Variants in TAF4 observed in about 807,000 individuals in gnomAD.
TAF4 encodes transcription initiation factor TFIID subunit 4.
Under a neutral mutation model 90.3 loss-of-function variants are expected in TAF4, and 9 were observed. The observed-to-expected ratio is 0.10, with a 90% confidence interval of 0.06 to 0.17. The LOEUF (loss-of-function observed/expected upper bound fraction) is 0.17, where lower values mean the gene tolerates loss of function less well. Among genes scored for constraint, TAF4 ranks in the 10% least tolerant of loss-of-function variants. The pLI is 1.00. For missense variants in TAF4, 1,351 were observed against 1,370.7 expected (o/e 0.99, Z 0.23); for synonymous variants, 818 against 638.9 (o/e 1.28, Z -4.23).
At chr20:62,045,086 G>T (rs1397711029) in intron 1 of TAF4, among the ~76,000 whole-genome samples, 1 of 152,220 alleles carries the variant, frequency 6.6e-6, no homozygotes, top group African/African-American at 2.4e-5. Context: ...TCACAACGCC[G>T]ACATGAAAAC....
chr20:62,063,223 A>G (rs1323067512), intron 1 of TAF4, among the ~76,000 whole-genome samples: 2 of 152,102 alleles, frequency 1.3e-5, no homozygotes, highest in Non-Finnish European at 2.9e-5. Flanking sequence ...GAGTCTGACC[A>G]CCAGCCCCGA....
At chr20:62,032,933 G>A (rs1032798803) in intron 1 of TAF4, among the ~76,000 whole-genome samples, 2 of 152,206 alleles carry the variant, frequency 1.3e-5, no homozygotes, top group African/African-American at 2.4e-5. Flanking sequence ...CTAAGAACCT[G>A]CCACCAGCAG....
intron 3 of TAF4, among the ~76,000 whole-genome samples, chr20:62,011,830 A>C (rs550989489): frequency 6.6e-6 from 1 of 152,192 alleles, no homozygotes; most frequent in African/African-American, 2.4e-5. Flanking sequence ...AGCAGCGACC[A>C]ACACCATAGA....
intron 1 of TAF4, among the ~76,000 whole-genome samples, chr20:62,046,424 G>T (rs1200302518): frequency 6.6e-6 from 1 of 152,206 alleles, no homozygotes; most frequent in African/African-American, 2.4e-5. Flanking sequence ...GCTTTTTCTA[G>T]AATTTCATAC....
intron 1 of TAF4, among the ~76,000 whole-genome samples, chr20:62,055,183 C>G (rs936246718): frequency 2.7e-5 from 4 of 147,380 alleles, no homozygotes; most frequent in Non-Finnish European, 6.0e-5. Context: ...ACGCTGCCTG[C>G]GGGCAGTCCT....
chr20:62,028,072 G>C (rs772737902), intron 1 of TAF4, among the ~76,000 whole-genome samples: 1 of 152,190 alleles, frequency 6.6e-6, no homozygotes, highest in Non-Finnish European at 1.5e-5. Context: ...GGTCCCACAC[G>C]TGCTCTGCTC....
rs376851390 is a variant in TAF4, at chr20:62,064,264, T to A, written c.1360+187A>T. On this transcript the variant is annotated intron_variant, in intron 1 of 14. Transcript: ENST00000252996. Reference sequence around the variant, plus strand: ...AGGGACGCAGGCTATGCCGACTCCCTCTGGCTCACTCGCAGACAGCCACCC... The same window carrying A: ...AGGGACGCAGGCTATGCCGACTCCCACTGGCTCACTCGCAGACAGCCACCC... The A allele has an allele frequency of 1.8e-5, 10 of 563,464 alleles. No homozygotes were observed. The South Asian group carries it at 6.1e-4, about 34-fold the overall frequency. 34.9% of individuals were successfully genotyped at this position (563,464 alleles called of 1,614,324 possible).
intron 14 of TAF4, among the ~76,000 whole-genome samples, chr20:61,984,071 T>C (rs1439529518): frequency 1.3e-5 from 2 of 152,164 alleles, no homozygotes; most frequent in East Asian, 3.8e-4. Context: ...GCAGCAGTCA[T>C]GGAACAGCAT....
rs371251699 is a variant in TAF4, at chr20:62,015,808, A to G, written c.1361-1101T>C. On this transcript the variant is annotated intron_variant, in intron 1 of 14. Coordinates refer to ENST00000252996, the MANE Select transcript of TAF4 (RefSeq NM_003185.4). ...TGCGCTATGACGCTGGGGCACTCTC[A>G]GGGCTGTCGGCTCCAGCTCTTTCGA... 3.9e-5 allele frequency among the ~76,000 whole-genome samples: 6 copies of G among 152,216 alleles called. No individual in the cohort carries two copies. In the East Asian group the frequency reaches 5.8e-4, roughly 15 times the overall value.
rs370260518 is a variant in TAF4, at chr20:62,060,676, CTGAG to C, written c.1360+3771_1360+3774del. On this transcript the variant is annotated intron_variant, in intron 1 of 14. Coordinates refer to ENST00000252996, the MANE Select transcript of TAF4 (RefSeq NM_003185.4). ...TGTTCTTTTCAAATGTCACTCCTAC[CTGAG>C]TATGTCAAAAGAAACACCAGATTAA... 2.6e-3 allele frequency among the ~76,000 whole-genome samples: 391 copies of C among 152,338 alleles called. 2 individuals carry two copies. The highest frequency in any genetic ancestry group is 9.2e-3 in the African/African-American group (383 of 41,570).
intron 6 of TAF4, 137 bp downstream of exon 6, chr20:62,007,410 C>T (rs531502172): frequency 3.6e-5 from 27 of 747,510 alleles, no homozygotes; most frequent in Admixed American, 1.3e-4. Flanking sequence ...ACTGAGTCCC[C>T]GGCCCCACCC....
chr20:62,009,645 G>A (rs1048166871), intron 4 of TAF4, among the ~76,000 whole-genome samples: 29 of 152,348 alleles, frequency 1.9e-4, no homozygotes, highest in Middle Eastern at 3.4e-3. Context: ...GTACAAACGG[G>A]TGGCGCTGCT....
chr20:62,048,141 A>G (rs909620196), intron 1 of TAF4, among the ~76,000 whole-genome samples: 1 of 152,216 alleles, frequency 6.6e-6, no homozygotes, highest in African/African-American at 2.4e-5. Flanking sequence ...TGCCGAGTCA[A>G]TTCCCTGTGG....
chr20:61,981,354 A>C (rs2069276438), intron 14 of TAF4: 1 of 152,224 alleles, frequency 6.6e-6, no homozygotes, highest in Non-Finnish European at 1.5e-5. Context: ...CTCTCAATAC[A>C]GGAAAATCTG....
chr20:61,997,852 A>G (rs1188038050), intron 13 of TAF4, among the ~76,000 whole-genome samples, 183 bp from the exon 14 acceptor site: 2 of 152,236 alleles, frequency 1.3e-5, no homozygotes, highest in Non-Finnish European at 2.9e-5. Flanking sequence ...TTTTAATGCA[A>G]CAGATGTTTG....
chr20:61,981,003 C>T (rs922929479), intron 14 of TAF4: 2 of 152,522 alleles, frequency 1.3e-5, no homozygotes, highest in Non-Finnish European at 2.9e-5. Context: ...CAAGGCAACA[C>T]AGCATGTCCT....
At chr20:62,055,052 C>T (rs1027502687) in intron 1 of TAF4, among the ~76,000 whole-genome samples, 1 of 152,232 alleles carries the variant, frequency 6.6e-6, no homozygotes, top group Non-Finnish European at 1.5e-5. Flanking sequence ...GCAAAAGTGA[C>T]CTCAACATAC....
Position 62,009,130 on chromosome 20 carries a change from C to T in TAF4, c.1806G>A (p.Thr602=), listed in dbSNP as rs147150726. ...TGCCAGATGAAGCCAGTTTTATTAA[C>T]GTAGATAGGAAATTTTTACATTTCT... is the stretch of plus-strand genomic sequence containing the variant. ...NVKKCKNFLS[T]LIKLASSGKQ... is the part of the protein sequence containing the mutation. The change falls in exon 5 of 15, where the codon ACG becomes ACA. Residue 602 remains threonine, a synonymous_variant. Coordinates refer to ENST00000252996, the MANE Select transcript of TAF4 (RefSeq NM_003185.4). 1.5e-4 allele frequency: 248 copies of T among 1,613,194 alleles called. No homozygotes were observed. In the African/African-American group the frequency reaches 1.9e-3, roughly 13 times the overall value.
intron 11 of TAF4, 47 bp downstream of exon 11, chr20:62,000,076 TG>T: frequency 6.2e-7 from 1 of 1,613,668 alleles, no homozygotes; most frequent in Non-Finnish European, 8.5e-7. Context: ...CAGCAGAGAG[TG>T]GGGGCCAACA....
Sources: allele counts gnomAD v4.1 joint callset (sites outside exome capture counted in the v4.1 genomes callset), GRCh38; gene constraint gnomAD v4.1.1; transcripts MANE v1.5; gene names NCBI Gene and HGNC (gene_info 2026-07-23, HGNC 2026-07-21).